NRXN3: variants seen among roughly 807,000 people sequenced by gnomAD.
NRXN3 encodes neurexin III.
In NRXN3, 32 loss-of-function variants were observed where a neutral mutation model predicts 137.6. The ratio of observed to expected loss-of-function variants is 0.23; its 90% CI spans 0.18 to 0.31. NRXN3 has a LOEUF of 0.31. NRXN3 is among the 10% of genes least tolerant of loss of function. The pLI, the probability that NRXN3 is intolerant of heterozygous loss-of-function variation, is 1.00. For synonymous variants in NRXN3, 798 were observed against 784.5 expected, an observed-to-expected ratio of 1.02 and a Z score of -0.29; for missense variants, 1,574 against 2,062.5, an observed-to-expected ratio of 0.76 and a Z score of 4.59.
chr14:79,371,631 A>G (rs1462926442), intron 15 of NRXN3, among the ~76,000 whole-genome samples: 2 of 152,166 alleles, frequency 1.3e-5, no homozygotes, highest in African/African-American at 2.4e-5. Context: ...TAATAGATCA[A>G]ATTAGTAAAA....
chr14:79,316,729 C>CCTCTCTCTCTCTCT lies in NRXN3; in HGVS notation c.3263-150471_3263-150458dup, dbSNP rs35515937. ...TTATCATCATGTAATCTGTCCTGTC[C>CCTCTCTCTCTCTCT]CTCTCTCTCTCTCTCTCTCTCTCTC... On this transcript the variant is annotated intron_variant, in intron 15 of 20. Transcript: ENST00000335750. 6.6e-3 allele frequency among the ~76,000 whole-genome samples: 916 copies of CCTCTCTCTCTCTCT among 137,966 alleles called. 18 individuals carry two copies. Among genetic ancestry groups the CCTCTCTCTCTCTCT allele is most frequent in the African/African-American group, 0.024 (857 of 35,836 alleles). The allele number at this position is 137,966 out of a possible 152,430, so 90.5% of individuals were successfully genotyped here. A position where few individuals can be genotyped will look rare whatever the true frequency, so the allele number is the denominator to read the frequency against.
rs146494954 is a variant in NRXN3, at chr14:79,046,468, AT to A, written c.3262+58333del. Among the ~76,000 whole-genome samples, 959 of 152,266 alleles carry A rather than the reference AT, an allele frequency of 6.3e-3. 10 individuals carry two copies. Among genetic ancestry groups the A allele is most frequent in the African/African-American group, 0.022 (908 of 41,542 alleles). ...CTCCTGGACTGGAAATATTCCCCTA[AT>A]TTTTTGCCTAAATGAAATGTGCTAC... is the stretch of plus-strand genomic sequence containing the variant. On this transcript the variant is annotated intron_variant, in intron 15 of 20. Transcript: ENST00000335750.
At chr14:79,757,960 T>C (rs1051253991) in intron 19 of NRXN3, among the ~76,000 whole-genome samples, 3 of 152,188 alleles carry the variant, frequency 2.0e-5, no homozygotes, top group African/African-American at 7.2e-5. Flanking sequence ...CTTTGGACAA[T>C]AAGAAATATA....
intron 16 of NRXN3, among the ~76,000 whole-genome samples, chr14:79,504,320 G>A (rs35879888): frequency 0.34 from 50,879 of 151,792 alleles, 8,750 homozygotes; most frequent in Middle Eastern, 0.38. Context: ...TCCAAAAGGA[G>A]TCCTCACTTT....
intron 4 of NRXN3, among the ~76,000 whole-genome samples, chr14:78,428,290 AT>A (rs541046857): frequency 3.2e-4 from 49 of 152,246 alleles, no homozygotes; most frequent in Non-Finnish European, 6.8e-4. Context: ...GATGCTAGAC[AT>A]TTTGTCTCCC....
intron 4 of NRXN3, among the ~76,000 whole-genome samples, chr14:78,626,835 G>A (rs78893902): frequency 0.011 from 1,639 of 152,352 alleles, 28 homozygotes; most frequent in African/African-American, 0.036. Flanking sequence ...CACTTGGAAT[G>A]CCCGTCAGGG....
chr14:78,608,787 T>C (rs1293846834), intron 4 of NRXN3, among the ~76,000 whole-genome samples: 1 of 152,204 alleles, frequency 6.6e-6, no homozygotes. Context: ...ATTATTACCA[T>C]AGTGCTACCC....
intron 16 of NRXN3, among the ~76,000 whole-genome samples, chr14:79,479,837 A>C: frequency 6.6e-6 from 1 of 152,118 alleles, no homozygotes; most frequent in Non-Finnish European, 1.5e-5. Flanking sequence ...TGAGGTTTTG[A>C]ATGCAGTGCG....
Position 78,829,529 on chromosome 14 carries a change from A to G in NRXN3, c.2275+19185A>G, listed in dbSNP as rs191731637. Among the ~76,000 whole-genome samples, 53 of 152,092 alleles carry G rather than the reference A, an allele frequency of 3.5e-4. 1 individual carries two copies. Among genetic ancestry groups the G allele is most frequent in the Non-Finnish European group, 6.5e-4 (44 of 67,906 alleles). Reference sequence around the variant, plus strand: ...CTAAATCGGGTAAAATAGCTCAACTATTAGTTTCACTATGGATGTCTAGAA... The same window carrying G: ...CTAAATCGGGTAAAATAGCTCAACTGTTAGTTTCACTATGGATGTCTAGAA... On this transcript the variant is annotated intron_variant, in intron 10 of 20. Coordinates refer to ENST00000335750, the MANE Select transcript of NRXN3 (RefSeq NM_001330195.2).
chr14:79,789,456 G>A (rs988516124), intron 19 of NRXN3, among the ~76,000 whole-genome samples: 13 of 152,154 alleles, frequency 8.5e-5, no homozygotes, highest in African/African-American at 2.9e-4. Flanking sequence ...TACAGTGAAA[G>A]CAAGTTTCTT....
At chr14:78,282,213 G>A in intron 3 of NRXN3, 2 of 468,428 alleles carry the variant, frequency 4.3e-6, no homozygotes, top group Non-Finnish European at 8.6e-6. Flanking sequence ...CTGCTTGTAG[G>A]GCAGAGGTGG....
chr14:79,559,362 T>C (rs1008294171), intron 16 of NRXN3, among the ~76,000 whole-genome samples: 11 of 152,104 alleles, frequency 7.2e-5, no homozygotes, highest in Admixed American at 6.6e-5. Flanking sequence ...TTACAGGCCA[T>C]TGTAGGGTCA....
chr14:79,306,194 T>G (rs1400143580), intron 15 of NRXN3, among the ~76,000 whole-genome samples: 2 of 152,082 alleles, frequency 1.3e-5, no homozygotes, highest in African/African-American at 4.8e-5. Flanking sequence ...ATACATTGAT[T>G]TTATTTGATT....
chr14:79,678,414 C>T (rs1430756435), intron 17 of NRXN3, among the ~76,000 whole-genome samples: 1 of 152,148 alleles, frequency 6.6e-6, no homozygotes, highest in Admixed American at 6.6e-5. Flanking sequence ...GGACTTGAAC[C>T]ATTATTCAAT....
intron 17 of NRXN3, among the ~76,000 whole-genome samples, chr14:79,665,300 A>G (rs1269732206): frequency 6.6e-6 from 1 of 152,136 alleles, no homozygotes; most frequent in Non-Finnish European, 1.5e-5. Context: ...CGGTTTCCAT[A>G]AAACAGCCAG....
chr14:79,523,350 G>C (rs1166454196), intron 16 of NRXN3, among the ~76,000 whole-genome samples: 1 of 152,046 alleles, frequency 6.6e-6, no homozygotes, highest in Non-Finnish European at 1.5e-5. Flanking sequence ...GCTTTAATGG[G>C]GTCTCAGCTT....
At chr14:79,330,232 G>A (rs1308591743) in intron 15 of NRXN3, among the ~76,000 whole-genome samples, 3 of 152,132 alleles carry the variant, frequency 2.0e-5, no homozygotes, top group Non-Finnish European at 4.4e-5. Flanking sequence ...GCTATTGTGA[G>A]AGTCCAGGTA....
intron 16 of NRXN3, among the ~76,000 whole-genome samples, chr14:79,660,172 G>T (rs17764298): frequency 0.1 from 15,496 of 152,168 alleles, 902 homozygotes; most frequent in Middle Eastern, 0.23. Context: ...GAGTTGATTT[G>T]CATGGCAGCT....
At position 79,358,607 on chromosome 14, in the gene NRXN3, GAGAAAGAAAGAAAGAA is replaced by G. The variant is rs751796019; in HGVS notation, c.3263-108567_3263-108552del. 8.1e-3 allele frequency among the ~76,000 whole-genome samples: 650 copies of G among 79,956 alleles called. 7 individuals carry two copies. Among genetic ancestry groups the G allele is most frequent in the East Asian group, 0.053 (140 of 2,654 alleles). The allele number at this position is 79,956 out of a possible 152,430, so 52.5% of individuals were successfully genotyped here. Reference sequence around the variant, plus strand: ...AGAGAGAAAGAAAGAAAGAAAGAAAGAGAAAGAAAGAAAGAAAGAAAGAAAGAAAGAAAGAAAGAAA... The same window carrying G: ...AGAGAGAAAGAAAGAAAGAAAGAAAGAGAAAGAAAGAAAGAAAGAAAGAAA... On this transcript the variant is annotated intron_variant, in intron 15 of 20. Transcript: ENST00000335750.
Sources: gnomAD v4.1 joint callset for allele counts (sites outside exome capture counted in the v4.1 genomes callset) on GRCh38, gnomAD v4.1.1 for gene constraint, MANE v1.5 for transcripts, NCBI Gene and HGNC (gene_info 2026-07-23, HGNC 2026-07-21) for gene names.